The following MAP3K1 variants were observed in gnomAD, a reference collection of about 807,000 sequenced individuals.
MAP3K1 encodes the protein mitogen-activated protein kinase kinase kinase 1, also known as MAP/ERK kinase kinase 1.
MAP3K1 carries 36 observed loss-of-function variants against 144.2 expected under a neutral mutation model. That is an observed-to-expected ratio of 0.25 (90% confidence interval 0.19 to 0.33). The LOEUF is 0.33. Among genes scored for constraint, MAP3K1 ranks in the 10% least tolerant of loss-of-function variants. MAP3K1 has a pLI of 1.00. For synonymous variants in MAP3K1, 718 were observed against 688.7 expected (o/e 1.04, Z -0.67); for missense variants, 1,650 against 1,881.9 (o/e 0.88, Z 2.28).
chr5:56,882,078 G>C lies in MAP3K1; in HGVS notation c.2878G>C (p.Gly960Arg), dbSNP rs1355876337. The C allele has an allele frequency of 6.2e-7, 1 of 1,613,962 alleles. No homozygotes were observed. The highest frequency in any genetic ancestry group is 1.1e-5 in the South Asian group (1 of 91,084). The change falls in exon 14 of 20, where the codon GGC becomes CGC. Residue 960 changes from glycine to arginine, a missense_variant. By Grantham distance (125) the Gly-to-Arg change is moderately radical. Transcript: ENST00000399503. Reference protein sequence around the residue: ...EQPKPMVQTKGRPHSQCLNSS... With the variant: ...EQPKPMVQTKRRPHSQCLNSS... ...ACCAAAGCCAATGGTTCAAACAAAAGGCAGACCCCACAGTCAGTGTTTGAA... is the reference window on the plus strand; with the variant it reads ...ACCAAAGCCAATGGTTCAAACAAAACGCAGACCCCACAGTCAGTGTTTGAA...
At position 56,893,515 on chromosome 5, in the gene MAP3K1, G is replaced by C. The variant is rs1477854904; in HGVS notation, c.4390-16G>C. ...TACAGTTGTGCAAAGCTTCAACACT[G>C]GCTTTTTCTCCACAGATTGCTAGTG... is the stretch of plus-strand genomic sequence containing the variant. On this transcript the variant is annotated splice_polypyrimidine_tract_variant and intron_variant, in intron 19 of 19. Coordinates refer to ENST00000399503, the MANE Select transcript of MAP3K1 (RefSeq NM_005921.2). 1 of 1,613,416 alleles carries C rather than the reference G, an allele frequency of 6.2e-7. No individual in the cohort carries two copies. The highest frequency in any genetic ancestry group is 1.3e-5 in the African/African-American group (1 of 74,896).
intron 19 of MAP3K1, among the ~76,000 whole-genome samples, chr5:56,888,648 C>T (rs939229044): frequency 6.6e-6 from 1 of 152,202 alleles, no homozygotes; most frequent in Non-Finnish European, 1.5e-5. Flanking sequence ...AGCTCCCAGT[C>T]AGCCACACAA....
chr5:56,832,549 G>A (rs1391958313), intron 1 of MAP3K1, among the ~76,000 whole-genome samples: 2 of 152,196 alleles, frequency 1.3e-5, no homozygotes, highest in Non-Finnish European at 2.9e-5. Context: ...GAGAGGTGAG[G>A]TATCCTGGCA....
At chr5:56,857,510 A>G (rs997758871) in intron 2 of MAP3K1, among the ~76,000 whole-genome samples, 16 of 152,038 alleles carry the variant, frequency 1.1e-4, no homozygotes, top group African/African-American at 3.6e-4. Context: ...CAGATATGGC[A>G]ACTTAAAATT....
chr5:56,881,965 C>G lies in MAP3K1; in HGVS notation c.2765C>G (p.Ala922Gly). 6.2e-7 allele frequency: 1 copy of G among 1,614,034 alleles called. No homozygotes were observed. The highest frequency in any genetic ancestry group is 8.5e-7 in the Non-Finnish European group (1 of 1,180,018). ...GGATTATGTGCTACAAAATTGAGTG[C>G]CAGTTCAGAGGACATTTCTGAGAGA... is the stretch of plus-strand genomic sequence containing the variant. ...GKGLCATKLS[A>G]SSEDISERLA... Residue 922 changes from alanine (A) to glycine (G), a missense_variant, in exon 14 of 20, where the codon GCC becomes GGC. Ala to Gly is a moderately conservative substitution (Grantham distance 60, BLOSUM62 0). Coordinates refer to ENST00000399503, the MANE Select transcript of MAP3K1 (RefSeq NM_005921.2).
At chr5:56,846,110 A>G (rs1372357780) in intron 1 of MAP3K1, among the ~76,000 whole-genome samples, 1 of 152,222 alleles carries the variant, frequency 6.6e-6, no homozygotes, top group Non-Finnish European at 1.5e-5. Context: ...GTTGTCTTAA[A>G]TGGCAGAACA....
In MAP3K1 at chr5:56,881,171, C is replaced by T. The variant is rs2111939096; in HGVS notation, c.2268C>T (p.Gly756=). The T allele has an allele frequency of 6.2e-7, 1 of 1,613,648 alleles. No individual in the cohort carries two copies. Among genetic ancestry groups the T allele is most frequent in the Non-Finnish European group, 8.5e-7 (1 of 1,179,784 alleles). ...CAAACAATTGGCAAGAACTTCTTGG[C>T]CGCCTTTGTCTTATAGATAGACTGT... ...TESNNWQELL[G]RLCLIDRLLL... Residue 756 remains glycine (G), a synonymous_variant, in exon 13 of 20, where the codon GGC becomes GGT. Transcript: ENST00000399503.
intron 18 of MAP3K1, chr5:56,887,930 C>T (rs1403701272): frequency 4.3e-6 from 2 of 470,206 alleles, no homozygotes; most frequent in African/African-American, 2.0e-5. Context: ...CTGTCGTGTT[C>T]ATAATTCTTC....
chr5:56,842,590 A>G (rs1215103381), intron 1 of MAP3K1, among the ~76,000 whole-genome samples: 1 of 152,198 alleles, frequency 6.6e-6, no homozygotes, highest in Non-Finnish European at 1.5e-5. Flanking sequence ...GTGCCATTGC[A>G]AGTACTTCAT....
intron 1 of MAP3K1, among the ~76,000 whole-genome samples, chr5:56,836,760 C>T (rs1455368878): frequency 6.6e-6 from 1 of 152,150 alleles, no homozygotes; most frequent in Non-Finnish European, 1.5e-5. Flanking sequence ...ATCCAGCATA[C>T]TTCTTTTAGG....
chr5:56,822,009 A>G (rs188639814), intron 1 of MAP3K1, among the ~76,000 whole-genome samples: 7 of 152,030 alleles, frequency 4.6e-5, no homozygotes, highest in African/African-American at 1.4e-4. Context: ...GAGTTTTTGT[A>G]TATCGTTTGG....
chr5:56,856,726 A>G lies in MAP3K1; in HGVS notation c.609A>G (p.Glu203=). The G allele has an allele frequency of 1.2e-6, 2 of 1,614,046 alleles. No homozygotes were observed. Among genetic ancestry groups the G allele is most frequent in the Non-Finnish European group, 1.7e-6 (2 of 1,179,904 alleles). ...CAGCCTGGAAGCACGAATGGTTGGA[A>G]AGGAGAAATAGGCGAGGGCCTGTGG... ...CMPAWKHEWL[E]RRNRRGPVVV... Residue 203 remains glutamate, a synonymous_variant, in exon 2 of 20, where the codon GAA becomes GAG. Coordinates refer to ENST00000399503, the MANE Select transcript of MAP3K1 (RefSeq NM_005921.2).
At chr5:56,875,541 A>G (rs1259178843) in intron 10 of MAP3K1, among the ~76,000 whole-genome samples, 1 of 152,008 alleles carries the variant, frequency 6.6e-6, no homozygotes, top group Non-Finnish European at 1.5e-5. Context: ...TTTTAGTTTC[A>G]TTGTTTTAAA....
chr5:56,871,022 T>A (rs578018623), intron 6 of MAP3K1, among the ~76,000 whole-genome samples: 7 of 152,316 alleles, frequency 4.6e-5, no homozygotes, highest in African/African-American at 1.4e-4. Flanking sequence ...TTTATTCCAA[T>A]TGCCTTTTTA....
chr5:56,849,451 A>G (rs1326992898), intron 1 of MAP3K1, among the ~76,000 whole-genome samples: 2 of 152,190 alleles, frequency 1.3e-5, no homozygotes, highest in East Asian at 3.8e-4. Flanking sequence ...TCTTGTTATA[A>G]ATAAATAGCA....
At chr5:56,835,401 G>A (rs28404630) in intron 1 of MAP3K1, among the ~76,000 whole-genome samples, 2,787 of 50,764 alleles carry the variant, frequency 0.055, 274 homozygotes, top group African/African-American at 0.18. Context: ...AGGAGACAAG[G>A]AGGCAGGGAA....
intron 1 of MAP3K1, among the ~76,000 whole-genome samples, chr5:56,840,889 A>T (rs1220671100): frequency 9.2e-5 from 11 of 119,744 alleles, no homozygotes; most frequent in Non-Finnish European, 5.3e-5. Flanking sequence ...TTTTTTTTTT[A>T]AAGATGGAGT....
rs1686289446 is a variant in MAP3K1, at chr5:56,882,824, G to A, written c.3624G>A (p.Leu1208=). The change falls in exon 14 of 20, where the codon CTG becomes CTA. Residue 1208 remains leucine (L), a synonymous_variant. Transcript: ENST00000399503. ...ATGCCCTCCCCATAGTTCCTCAGCT[G>A]CAGGTTGAAAATGGAGAAGATATCA... ...SQDALPIVPQ[L]QVENGEDIII... The A allele has an allele frequency of 6.2e-7, 1 of 1,612,440 alleles. No individual in the cohort carries two copies. Among genetic ancestry groups the A allele is most frequent in the Non-Finnish European group, 8.5e-7 (1 of 1,179,740 alleles).
chr5:56,875,239 G>C lies in MAP3K1; in HGVS notation c.1894G>C (p.Val632Leu). 6.2e-7 allele frequency: 1 copy of C among 1,614,126 alleles called. No individual in the cohort carries two copies. Among genetic ancestry groups the C allele is most frequent in the Non-Finnish European group, 8.5e-7 (1 of 1,180,004 alleles). ...SSQTSISGDV[V>L]EACCSVLSMV... ...CCAGACCAGTATCTCAGGAGATGTG[G>C]TGGAGGCATGCTGCAGCGTTCTGTC... The change falls in exon 10 of 20, where the codon GTG becomes CTG. Residue 632 changes from valine to leucine, a missense_variant. Physicochemically the swap from Val to Leu is conservative, Grantham distance 32. Transcript: ENST00000399503.
Sources: gnomAD v4.1 joint callset for allele counts (sites outside exome capture counted in the v4.1 genomes callset) on GRCh38, gnomAD v4.1.1 for gene constraint, MANE v1.5 for transcripts, NCBI Gene and HGNC (gene_info 2026-07-23, HGNC 2026-07-21) for gene names.